Variants in PYHIN1 observed in about 807,000 individuals in gnomAD.
The protein encoded by PYHIN1 is pyrin and HIN domain-containing protein 1.
A neutral mutation model predicts 43.7 loss-of-function variants in PYHIN1; 32 were observed. The observed-to-expected ratio is 0.73, with a 90% CI of 0.55 to 0.98. The LOEUF is 0.98. Ranked by LOEUF, PYHIN1 falls within the 50% of genes least tolerant of loss-of-function variation. The probability of loss-of-function intolerance (pLI) is 0.00; values close to 1 mark genes in which losing one functional copy is unlikely to be tolerated. For missense variants in PYHIN1, 588 were observed against 589.5 expected, an observed-to-expected ratio of 1.00 and a Z score of 0.03; for synonymous variants, 205 against 203.1, an observed-to-expected ratio of 1.01 and a Z score of -0.08.
chr1:158,974,544 C>T (rs145923705), intron 8 of PYHIN1, among the ~76,000 whole-genome samples: 11 of 152,040 alleles, frequency 7.2e-5, no homozygotes, highest in African/African-American at 2.2e-4. Context: ...ACCTAGGGAA[C>T]AGAAGACTAT....
chr1:158,953,569 A>G (rs1488450865), intron 7 of PYHIN1, among the ~76,000 whole-genome samples: 9 of 151,424 alleles, frequency 5.9e-5, no homozygotes, highest in African/African-American at 1.5e-4. Context: ...ACTAACAAAC[A>G]GAAAGGACAT....
At chr1:158,953,860 T>A (rs1649749661) in intron 7 of PYHIN1, among the ~76,000 whole-genome samples, 1 of 148,528 alleles carries the variant, frequency 6.7e-6, no homozygotes, top group Middle Eastern at 3.4e-3. Flanking sequence ...TGAAAAAAAA[T>A]TAGAAGAATG....
At chr1:158,935,431 T>C (rs891046085) in intron 1 of PYHIN1, among the ~76,000 whole-genome samples, 2 of 151,838 alleles carry the variant, frequency 1.3e-5, no homozygotes, top group African/African-American at 4.8e-5. Flanking sequence ...TAGAGAGAAA[T>C]GTGGATCTGT....
intron 7 of PYHIN1, among the ~76,000 whole-genome samples, chr1:158,952,955 C>A (rs934966803): frequency 6.6e-6 from 1 of 152,188 alleles, no homozygotes; most frequent in Admixed American, 6.5e-5. Flanking sequence ...GCACAAGGGT[C>A]AGGGAGTTCC....
the PYHIN1 span, among the ~76,000 whole-genome samples, chr1:158,988,811 T>C: frequency 6.6e-6 from 1 of 152,170 alleles, no homozygotes; most frequent in African/African-American, 2.4e-5. Flanking sequence ...AATACAAGCA[T>C]TTGAAAAATG....
chr1:158,936,902 T>G lies in PYHIN1; in HGVS notation c.-9T>G, dbSNP rs754978537. On this transcript the variant is annotated 5_prime_UTR_variant, in exon 2 of 9. Transcript: ENST00000368140. ...TTTTTCTCTTGCAGGCTCACTTATA[T>G]CTTTAGAGATGGCAAATAACTACAA... 6 of 1,562,208 alleles carry G rather than the reference T, an allele frequency of 3.8e-6. No individual in the cohort carries two copies. The African/African-American group carries it at 8.2e-5, about 21-fold the overall frequency.
At chr1:158,975,864 G>A (rs1651225737) in intron 8 of PYHIN1, among the ~76,000 whole-genome samples, 1 of 152,112 alleles carries the variant, frequency 6.6e-6, no homozygotes, top group Non-Finnish European at 1.5e-5. Context: ...AAATAATGAT[G>A]TCTCTCATTT....
chr1:158,967,697 T>C (rs902198405), intron 7 of PYHIN1, among the ~76,000 whole-genome samples: 4 of 152,058 alleles, frequency 2.6e-5, no homozygotes, highest in Non-Finnish European at 5.9e-5. Flanking sequence ...CAAACTATAC[T>C]GCAAGGTTAC....
the PYHIN1 span, among the ~76,000 whole-genome samples, chr1:158,989,927 C>A: frequency 6.6e-6 from 1 of 151,532 alleles, no homozygotes; most frequent in Non-Finnish European, 1.5e-5. Flanking sequence ...TTCCATAAAA[C>A]TTGTATTTGT....
intron 7 of PYHIN1, among the ~76,000 whole-genome samples, chr1:158,956,064 A>C (rs1649905718): frequency 6.8e-6 from 1 of 146,686 alleles, no homozygotes; most frequent in African/African-American, 2.5e-5. Flanking sequence ...AAGAAGTTGA[A>C]TGTCTGAATA....
intron 4 of PYHIN1, chr1:158,939,679 A>C (rs1648794496): frequency 1.5e-6 from 1 of 673,300 alleles, no homozygotes. Flanking sequence ...TCTGGATCCC[A>C]ATATTGAGAT....
intron 7 of PYHIN1, among the ~76,000 whole-genome samples, chr1:158,968,358 AATT>A (rs1650747475): frequency 6.6e-6 from 1 of 152,028 alleles, no homozygotes; most frequent in Non-Finnish European, 1.5e-5. Flanking sequence ...CAACATCACT[AATT>A]ATTAGAGAAA....
intron 4 of PYHIN1, chr1:158,940,239 A>AT (rs1491289149): frequency 7.7e-6 from 1 of 130,492 alleles, no homozygotes; most frequent in Non-Finnish European, 1.7e-5. Flanking sequence ...ATAAAAAAGT[A>AT]AAAAAAAAAA....
chr1:158,936,889 A>T lies in PYHIN1; in HGVS notation c.-20-2A>T, dbSNP rs368486672. The T allele has an allele frequency of 3.2e-5, 49 of 1,536,800 alleles. No homozygotes were observed. Among genetic ancestry groups the T allele is most frequent in the Non-Finnish European group, 1.4e-5 (16 of 1,145,726 alleles). On this transcript the variant is annotated splice_acceptor_variant, in intron 1 of 8. Transcript: ENST00000368140. LOFTEE classifies it low-confidence loss of function (5UTR_SPLICE). ...ACACTATATACCATTTTTCTCTTGC[A>T]GGCTCACTTATATCTTTAGAGATGG...
In PYHIN1 at chr1:158,946,569, A is replaced by G. The variant is rs180689413; in HGVS notation, c.1359+1527A>G. 2.0e-5 allele frequency among the ~76,000 whole-genome samples: 3 copies of G among 152,122 alleles called. No individual in the cohort carries two copies. The East Asian group carries it at 5.8e-4, about 29-fold the overall frequency. On this transcript the variant is annotated intron_variant, in intron 7 of 8. Transcript: ENST00000368140. ...TGATTAGATAGATAGATAGATAGAT[A>G]GATAGATAGATAGATAGATAGATGA...
At position 158,938,390 on chromosome 1, in the gene PYHIN1, G is replaced by T. The variant is rs1225795176; in HGVS notation, c.266-7G>T. On this transcript the variant is annotated splice_polypyrimidine_tract_variant and splice_region_variant and intron_variant, in intron 2 of 8. Coordinates refer to ENST00000368140, the MANE Select transcript of PYHIN1 (RefSeq NM_152501.5). ...GGGTTTATACATCTTCCTTTTTTCT[G>T]CATTAGTTGCAAATAAAATTGAATC... The T allele has an allele frequency of 2.5e-6, 4 of 1,613,390 alleles. No homozygotes were observed. The highest frequency in any genetic ancestry group is 3.4e-6 in the Non-Finnish European group (4 of 1,179,742).
chr1:158,956,306 A>G (rs1370648872), intron 7 of PYHIN1, among the ~76,000 whole-genome samples: 1 of 152,152 alleles, frequency 6.6e-6, no homozygotes, highest in Admixed American at 6.5e-5. Context: ...ACCAAAAAAG[A>G]GAATTTTAGA....
chr1:158,934,892 G>C (rs1648423269), intron 1 of PYHIN1, among the ~76,000 whole-genome samples: 1 of 152,036 alleles, frequency 6.6e-6, no homozygotes, highest in Non-Finnish European at 1.5e-5. Context: ...ACCATGCCTG[G>C]CTAACTTTTG....
chr1:158,951,696 T>G (rs1177166323), intron 7 of PYHIN1, among the ~76,000 whole-genome samples: 1 of 152,186 alleles, frequency 6.6e-6, no homozygotes, highest in Non-Finnish European at 1.5e-5. Context: ...TGAAAATGGG[T>G]GAATCTCAAG....
Sources: allele counts gnomAD v4.1 joint callset (sites outside exome capture counted in the v4.1 genomes callset), GRCh38; gene constraint gnomAD v4.1.1; transcripts MANE v1.5; gene names NCBI Gene and HGNC (gene_info 2026-07-23, HGNC 2026-07-21).